Variants in FCHSD2 observed in about 807,000 individuals in gnomAD.
FCHSD2 encodes the protein F-BAR and double SH3 domains protein 2.
A neutral mutation model predicts 108.1 loss-of-function variants in FCHSD2; 38 were observed. The ratio of observed to expected loss-of-function variants is 0.35; its 90% CI spans 0.27 to 0.46. FCHSD2 has a LOEUF of 0.46. FCHSD2 is among the 20% of genes least tolerant of loss of function. The pLI, the probability that FCHSD2 is intolerant of heterozygous loss-of-function variation, is 1.00. For synonymous variants in FCHSD2, 279 were observed against 314.7 expected (o/e 0.89, Z 1.20); for missense variants, 751 against 897.8 (o/e 0.84, Z 2.09).
intron 2 of FCHSD2, among the ~76,000 whole-genome samples, chr11:73,115,968 A>C (rs1477741963): frequency 6.6e-6 from 1 of 152,244 alleles, no homozygotes; most frequent in Non-Finnish European, 1.5e-5. Flanking sequence ...TTGATACATA[A>C]AAGTAACCAT....
intron 12 of FCHSD2, among the ~76,000 whole-genome samples, chr11:72,880,164 A>G (rs1452959724): frequency 3.3e-5 from 5 of 152,142 alleles, no homozygotes; most frequent in Admixed American, 1.3e-4. Flanking sequence ...AGATCTCTAC[A>G]AGGAAAACTA....
At chr11:72,883,906 T>G (rs898318869) in intron 12 of FCHSD2, among the ~76,000 whole-genome samples, 2 of 147,478 alleles carry the variant, frequency 1.4e-5, no homozygotes, top group African/African-American at 2.5e-5. Flanking sequence ...CACTCCAGCC[T>G]GGGTGACAGA....
chr11:73,104,823 G>A (rs1407255132), intron 2 of FCHSD2, among the ~76,000 whole-genome samples: 1 of 152,160 alleles, frequency 6.6e-6, no homozygotes, highest in Non-Finnish European at 1.5e-5. Context: ...CTCCCAAAGT[G>A]CTGGGATTAC....
chr11:72,988,821 C>A, intron 6 of FCHSD2, 143 bp downstream of exon 6: 1 of 511,230 alleles, frequency 2.0e-6, no homozygotes, highest in South Asian at 6.1e-5. Flanking sequence ...AAAATGTGAC[C>A]TAAAGTATAT....
intron 3 of FCHSD2, among the ~76,000 whole-genome samples, chr11:73,079,695 A>C (rs963225583): frequency 5.3e-5 from 8 of 152,212 alleles, no homozygotes; most frequent in African/African-American, 1.9e-4. Flanking sequence ...AGAGGATAGA[A>C]ATATCTTTGT....
chr11:73,044,290 G>T (rs535352958), intron 3 of FCHSD2, among the ~76,000 whole-genome samples: 2 of 152,252 alleles, frequency 1.3e-5, no homozygotes, highest in African/African-American at 4.8e-5. Flanking sequence ...TATTTCCAAA[G>T]TCAGAGGCTG....
intron 8 of FCHSD2, among the ~76,000 whole-genome samples, chr11:72,966,303 G>A (rs769764930): frequency 2.0e-5 from 3 of 152,052 alleles, no homozygotes; most frequent in Non-Finnish European, 4.4e-5. Context: ...GGGATTACAG[G>A]TGCCCGCCAC....
chr11:72,883,153 C>G (rs1436014332), intron 12 of FCHSD2, among the ~76,000 whole-genome samples: 2 of 152,164 alleles, frequency 1.3e-5, no homozygotes, highest in African/African-American at 4.8e-5. Flanking sequence ...ACCCTTAACT[C>G]ATACCAGACC....
At chr11:72,861,030 G>A (rs533066975) in intron 13 of FCHSD2, among the ~76,000 whole-genome samples, 1 of 151,860 alleles carries the variant, frequency 6.6e-6, no homozygotes, top group Non-Finnish European at 1.5e-5. Flanking sequence ...AAATTGAACA[G>A]AAGAAAAGAA....
intron 2 of FCHSD2, among the ~76,000 whole-genome samples, chr11:73,113,353 CTTTTTTTTTTTTT>C (rs35979371): frequency 9.7e-4 from 29 of 29,912 alleles, no homozygotes; most frequent in Non-Finnish European, 7.5e-4. Context: ...CCAAGATGGT[CTTTTTTTTTTTTT>C]TTTTTTTTTT....
chr11:73,047,328 G>C (rs1446797118), intron 3 of FCHSD2, among the ~76,000 whole-genome samples: 3 of 151,956 alleles, frequency 2.0e-5, no homozygotes, highest in Non-Finnish European at 2.9e-5. Context: ...GGGAAGAAAA[G>C]TGGTCAGCTT....
intron 2 of FCHSD2, among the ~76,000 whole-genome samples, chr11:73,125,910 C>T (rs1398236532): frequency 6.6e-6 from 1 of 152,140 alleles, no homozygotes; most frequent in East Asian, 1.9e-4. Flanking sequence ...AGAGAGCTGG[C>T]TAATGCAAAA....
At chr11:72,889,553 T>G (rs1855271144) in intron 11 of FCHSD2, among the ~76,000 whole-genome samples, 1 of 151,868 alleles carries the variant, frequency 6.6e-6, no homozygotes, top group South Asian at 2.1e-4. Context: ...CTACAAAAAA[T>G]CTAAAAAAAT....
At chr11:73,022,427 C>T (rs971609013) in intron 3 of FCHSD2, among the ~76,000 whole-genome samples, 2 of 152,152 alleles carry the variant, frequency 1.3e-5, no homozygotes, top group Non-Finnish European at 2.9e-5. Context: ...TTGCACAATA[C>T]AACGTCAATA....
At chr11:72,965,174 A>G in intron 8 of FCHSD2, among the ~76,000 whole-genome samples, 1 of 152,166 alleles carries the variant, frequency 6.6e-6, no homozygotes, top group East Asian at 1.9e-4. Flanking sequence ...AACCCCATTC[A>G]TATAACTTCC....
chr11:73,107,373 GGTATACAGCAGGT>G (rs1296996849), intron 2 of FCHSD2, among the ~76,000 whole-genome samples: 3 of 151,978 alleles, frequency 2.0e-5, no homozygotes, highest in Non-Finnish European at 4.4e-5. Context: ...AATTTTTGTA[GGTATACAGCAGGT>G]GTATATATAG....
chr11:73,001,113 T>G lies in FCHSD2; in HGVS notation c.264A>C (p.Lys88Asn). The G allele has an allele frequency of 6.2e-7, 1 of 1,613,270 alleles. No homozygotes were observed. Reference sequence around the variant, plus strand: ...CCTGCATTGTTCCCTCGAGAAAAGATTTCCAAACGGGATACATGCTCCTAA... The same window carrying G: ...CCTGCATTGTTCCCTCGAGAAAAGAGTTCCAAACGGGATACATGCTCCTAA... ...NDYRSMYPVW[K>N]SFLEGTMQVA... The change falls in exon 5 of 20, where the codon AAA becomes AAC. Residue 88 changes from lysine (K) to asparagine (N), a missense_variant. Transcript: ENST00000409418.
intron 17 of FCHSD2, among the ~76,000 whole-genome samples, chr11:72,842,317 GGTTT>G (rs1253262260): frequency 1.3e-5 from 2 of 152,182 alleles, no homozygotes; most frequent in Non-Finnish European, 2.9e-5. Context: ...TTCCCTCTTC[GGTTT>G]GTTTCTTTCT....
At chr11:72,996,695 AT>A (rs911872997) in intron 5 of FCHSD2, among the ~76,000 whole-genome samples, 1 of 152,198 alleles carries the variant, frequency 6.6e-6, no homozygotes, top group Non-Finnish European at 1.5e-5. Context: ...TAGAGGAAAA[AT>A]TTTAAGTCAG....
Sources: allele counts gnomAD v4.1 joint callset (sites outside exome capture counted in the v4.1 genomes callset), GRCh38; gene constraint gnomAD v4.1.1; transcripts MANE v1.5; gene names NCBI Gene and HGNC (gene_info 2026-07-23, HGNC 2026-07-21).